Variants in ACO1 observed in about 807,000 individuals in gnomAD.
ACO1 encodes aconitase 1.
Under a neutral mutation model 105.1 loss-of-function variants are expected in ACO1, and 78 were observed. The ratio of observed to expected loss-of-function variants is 0.74; its 90% CI spans 0.62 to 0.90. The LOEUF is 0.90. Ranked by LOEUF, ACO1 falls within the 40% of genes least tolerant of loss-of-function variation. The pLI, the probability that ACO1 is intolerant of heterozygous loss-of-function variation, is 0.00. For synonymous variants in ACO1, 364 were observed against 397.4 expected, an observed-to-expected ratio of 0.92 and a Z score of 1.00; for missense variants, 965 against 1,111.1, an observed-to-expected ratio of 0.87 and a Z score of 1.87.
chr9:32,397,633 C>A (rs925273807), intron 1 of ACO1, among the ~76,000 whole-genome samples: 1 of 152,122 alleles, frequency 6.6e-6, no homozygotes, highest in Admixed American at 6.5e-5. Context: ...GGGAGTAGGG[C>A]CAATTAATTT....
At position 32,439,742 on chromosome 9, in the gene ACO1, CTTCT is replaced by C. The variant is rs755416000; in HGVS notation, c.2248-720_2248-717del. Among the ~76,000 whole-genome samples the C allele has an allele frequency of 6.6e-6, 1 of 152,114 alleles. No homozygotes were observed. Among genetic ancestry groups the C allele is most frequent in the Non-Finnish European group, 1.5e-5 (1 of 67,998 alleles). ...TTTATATAATTTCAGAACATGTTACCTTCTTTGTGTTTTGCTAATTTTACAACTG... is the reference window on the plus strand; with the variant it reads ...TTTATATAATTTCAGAACATGTTACCTTGTGTTTTGCTAATTTTACAACTG... On this transcript the variant is annotated intron_variant, in intron 18 of 20. Transcript: ENST00000309951. The surrounding 1 kb of genome is among the most constrained non-coding windows in gnomAD (Gnocchi z 4.0).
chr9:32,398,776 G>A (rs1015312611), intron 1 of ACO1, among the ~76,000 whole-genome samples: 4 of 151,730 alleles, frequency 2.6e-5, no homozygotes, highest in African/African-American at 9.7e-5. Flanking sequence ...TCACTTTTTT[G>A]TAGAGACATG....
chr9:32,435,787 G>A lies in ACO1; in HGVS notation c.2100-463G>A, dbSNP rs559810175. Among the ~76,000 whole-genome samples the A allele has an allele frequency of 3.2e-4, 49 of 152,252 alleles. 1 individual carries two copies. Among genetic ancestry groups the A allele is most frequent in the Non-Finnish European group, 4.7e-4 (32 of 68,018 alleles). On this transcript the variant is annotated intron_variant, in intron 17 of 20. Coordinates refer to ENST00000309951, the MANE Select transcript of ACO1 (RefSeq NM_002197.3). Reference sequence around the variant, plus strand: ...TGCATTGAGTTCCTGATAATTCAGGGACAAATTTGAAACTATTTCTGGTTA... The same window carrying A: ...TGCATTGAGTTCCTGATAATTCAGGAACAAATTTGAAACTATTTCTGGTTA...
chr9:32,423,935 G>A (rs1453015403), intron 9 of ACO1, among the ~76,000 whole-genome samples: 1 of 152,192 alleles, frequency 6.6e-6, no homozygotes, highest in Non-Finnish European at 1.5e-5. Context: ...GACTTCACTA[G>A]TGGAACAAGA....
At chr9:32,443,000 T>C (rs544066285) in intron 19 of ACO1, among the ~76,000 whole-genome samples, 19 of 152,350 alleles carry the variant, frequency 1.2e-4, no homozygotes, top group African/African-American at 4.3e-4. Flanking sequence ...ATGTAAAATA[T>C]TAATATGTAC....
chr9:32,419,103 G>C lies in ACO1; in HGVS notation c.724G>C (p.Val242Leu). 6.2e-7 allele frequency: 1 copy of C among 1,609,828 alleles called. No homozygotes were observed. The highest frequency in any genetic ancestry group is 8.5e-7 in the Non-Finnish European group (1 of 1,177,940). The change falls in exon 7 of 21, where the codon GTG becomes CTG. Residue 242 changes from valine (V) to leucine (L), a missense_variant. Coordinates refer to ENST00000309951, the MANE Select transcript of ACO1 (RefSeq NM_002197.3). ...GQPISMVLPQ[V>L]IGYRLMGKPH... ...GCCAATCAGTATGGTGCTTCCTCAG[G>C]TGATTGGCTACAGGCTGATGGGGAA...
chr9:32,421,111 ACC>A, intron 8 of ACO1, 84 bp downstream of exon 8: 2 of 1,421,240 alleles, frequency 1.4e-6, no homozygotes, highest in Non-Finnish European at 1.9e-6. Context: ...TTCTGCCTCT[ACC>A]CAACAGAAGG....
At chr9:32,441,172 C>T (rs745672683) in intron 19 of ACO1, among the ~76,000 whole-genome samples, 5 of 152,184 alleles carry the variant, frequency 3.3e-5, no homozygotes, top group African/African-American at 1.2e-4. Flanking sequence ...GTGAAACTCA[C>T]TCTGCACATA....
At chr9:32,436,737 A>T (rs1033702279) in intron 18 of ACO1, among the ~76,000 whole-genome samples, 1 of 152,210 alleles carries the variant, frequency 6.6e-6, no homozygotes, top group Non-Finnish European at 1.5e-5. Flanking sequence ...CTTTATTGGC[A>T]TGTAATTTAA....
rs368601407 is a variant in ACO1 at position 32,385,525 on chromosome 9, G to T, written c.-23+790G>T. Among the ~76,000 whole-genome samples, 64 of 152,250 alleles carry T rather than the reference G, an allele frequency of 4.2e-4. 2 individuals carry two copies. The East Asian group carries it at 8.3e-3, about 20-fold the overall frequency. On this transcript the variant is annotated intron_variant, in intron 1 of 20. Transcript: ENST00000309951. ...TGTACTATAATAATTCATTTAAAAA[G>T]AATAGTGAACTAATTATATCTTAAC...
Position 32,419,072 on chromosome 9 carries a change from G to A in ACO1, c.693G>A (p.Leu231=). 6.2e-7 allele frequency: 1 copy of A among 1,606,750 alleles called. No individual in the cohort carries two copies. Among genetic ancestry groups the A allele is most frequent in the Non-Finnish European group, 8.5e-7 (1 of 1,176,328 alleles). The part of the protein sequence containing the change: ...VGGIEAEAVM[L]GQPISMVLPQ... ...GTATTGAAGCAGAAGCTGTCATGCT[G>A]GGTCAGCCAATCAGTATGGTGCTTC... The change falls in exon 7 of 21, where the codon CTG becomes CTA. Residue 231 remains leucine, a synonymous_variant. Coordinates refer to ENST00000309951, the MANE Select transcript of ACO1 (RefSeq NM_002197.3).
At chr9:32,449,505 G>A (rs1261545615) in intron 20 of ACO1, among the ~76,000 whole-genome samples, 4 of 152,178 alleles carry the variant, frequency 2.6e-5, no homozygotes, top group Non-Finnish European at 5.9e-5. Context: ...CCCTAGGCAA[G>A]GTAAAGATAA....
At chr9:32,424,763 G>A (rs1587539605) in intron 10 of ACO1, 98 bp downstream of exon 10, 2 of 801,778 alleles carry the variant, frequency 2.5e-6, no homozygotes, top group Non-Finnish European at 4.2e-6. Flanking sequence ...GAATCTTCCT[G>A]TAGCCTGAAG....
chr9:32,427,211 G>C (rs1822119097), intron 11 of ACO1, 90 bp from the exon 12 acceptor site: 3 of 1,507,900 alleles, frequency 2.0e-6, no homozygotes, highest in Non-Finnish European at 2.7e-6. Context: ...AGGAAATGCA[G>C]ACTGAAGAAA....
rs193223188 is a variant in ACO1 at position 32,442,835 on chromosome 9, C to T, written c.2370+2248C>T. 9.2e-5 allele frequency among the ~76,000 whole-genome samples: 14 copies of T among 152,144 alleles called. No homozygotes were observed. The East Asian group carries it at 2.7e-3, about 29-fold the overall frequency. ...AATTACCAGATACCAGCACTGACTC[C>T]CTGGGTAAAGGGGGACAATAAGGGC... is the stretch of plus-strand genomic sequence containing the variant. On this transcript the variant is annotated intron_variant, in intron 19 of 20. Transcript: ENST00000309951.
rs911246551 is a variant in ACO1 at position 32,453,786 on chromosome 9, T to C, written c.*3675T>C. 6.6e-6 allele frequency: 1 copy of C among 152,184 alleles called. No homozygotes were observed. The highest frequency in any genetic ancestry group is 2.4e-5 in the African/African-American group (1 of 41,428). 9.4% of individuals were successfully genotyped at this position (152,184 alleles called of 1,614,324 possible). A position where few individuals can be genotyped will look rare whatever the true frequency, so the allele number is the denominator to read the frequency against. ...GTAGCCAAGGTTCTACTGGCTGCCT[T>C]CTTAGGACATTATTAAATATCATAA... On this transcript the variant is annotated 3_prime_UTR_variant, in exon 21 of 21. Transcript: ENST00000309951.
chr9:32,434,405 G>T (rs1488788643), intron 16 of ACO1, among the ~76,000 whole-genome samples, 154 bp from the exon 17 acceptor site: 1 of 152,130 alleles, frequency 6.6e-6, no homozygotes, highest in African/African-American at 2.4e-5. Flanking sequence ...ACTTTTCTTG[G>T]CCTCTTTGAT....
intron 10 of ACO1, 47 bp downstream of exon 10, chr9:32,424,712 G>C: frequency 7.7e-7 from 1 of 1,302,712 alleles, no homozygotes; most frequent in Non-Finnish European, 1.1e-6. Context: ...TCTACCTCTT[G>C]CCTGGTTACT....
intron 20 of ACO1, 131 bp from the exon 21 acceptor site, chr9:32,449,867 G>C: frequency 1.5e-6 from 1 of 676,280 alleles, no homozygotes; most frequent in Non-Finnish European, 2.7e-6. Flanking sequence ...CAGCAGCCTT[G>C]CATGTCCTCA....
Sources: allele counts gnomAD v4.1 joint callset (sites outside exome capture counted in the v4.1 genomes callset), GRCh38; gene constraint gnomAD v4.1.1; non-coding constraint Gnocchi (gnomAD v3.1); transcripts MANE v1.5; gene names NCBI Gene and HGNC (gene_info 2026-07-23, HGNC 2026-07-21).